CDK13: variants seen among roughly 807,000 people sequenced by gnomAD.
CDK13 encodes the protein cyclin dependent kinase 13.
A neutral mutation model predicts 137.6 loss-of-function variants in CDK13; 40 were observed. The observed-to-expected ratio is 0.29, with a 90% CI of 0.23 to 0.38. CDK13 has a LOEUF of 0.38. Ranked by LOEUF, CDK13 falls within the 10% of genes least tolerant of loss-of-function variation. The pLI, the probability that CDK13 is intolerant of heterozygous loss-of-function variation, is 1.00. For missense variants in CDK13, 1,704 were observed against 1,951.8 expected (o/e 0.87, Z 2.39); for synonymous variants, 869 against 760.1 (o/e 1.14, Z -2.36).
chr7:40,002,989 G>T (rs1273511929), intron 5 of CDK13, among the ~76,000 whole-genome samples: 1 of 151,954 alleles, frequency 6.6e-6, no homozygotes, highest in Non-Finnish European at 1.5e-5. Flanking sequence ...TGAGGCAGGA[G>T]GATCTCTTGA....
intron 6 of CDK13, 39 bp downstream of exon 6, chr7:40,046,064 T>A: frequency 8.1e-7 from 1 of 1,238,738 alleles, no homozygotes; most frequent in East Asian, 2.3e-5. Flanking sequence ...AAATGAGTTT[T>A]ACCATGGACA....
chr7:39,968,386 T>C (rs1327569876), intron 1 of CDK13, among the ~76,000 whole-genome samples: 2 of 152,194 alleles, frequency 1.3e-5, no homozygotes, highest in Non-Finnish European at 2.9e-5. Context: ...ATTCTCCATG[T>C]GGATATCCAG....
Position 39,951,303 on chromosome 7 carries a change from G to T in CDK13, c.662G>T (p.Gly221Val), listed in dbSNP as rs564002120. ...ERHREHRRRD[G>V]QRGGSEASKS... ...CACCGCGAGCACCGGCGGCGGGATGGGCAGCGCGGTGGCAGCGAGGCCTCC... is the reference window on the plus strand; with the variant it reads ...CACCGCGAGCACCGGCGGCGGGATGTGCAGCGCGGTGGCAGCGAGGCCTCC... The change falls in exon 1 of 14, where the codon GGG becomes GTG. Residue 221 changes from glycine to valine, a missense_variant. Gly to Val is a moderately radical substitution (Grantham distance 109). This residue lies in a region of CDK13 where 1,051 missense variants were observed against 931.0 expected (regional missense o/e 1.13). Coordinates refer to ENST00000181839, the MANE Select transcript of CDK13 (RefSeq NM_003718.5). 1.4e-6 allele frequency: 2 copies of T among 1,388,352 alleles called. No individual in the cohort carries two copies. The highest frequency in any genetic ancestry group is 1.8e-6 in the Non-Finnish European group (2 of 1,081,446). 86.0% of individuals were successfully genotyped at this position (1,388,352 alleles called of 1,614,324 possible).
chr7:39,997,934 T>C (rs2116311515), intron 3 of CDK13: 1 of 302,912 alleles, frequency 3.3e-6, no homozygotes, highest in African/African-American at 2.3e-5. Flanking sequence ...CTTTCTGTTA[T>C]TAAGAGATTG....
At chr7:39,961,528 A>G (rs1783724340) in intron 1 of CDK13, among the ~76,000 whole-genome samples, 1 of 152,174 alleles carries the variant, frequency 6.6e-6, no homozygotes, top group Non-Finnish European at 1.5e-5. Context: ...GACCCTGGTA[A>G]CCACCATTCT....
At chr7:39,963,315 A>G (rs970461336) in intron 1 of CDK13, among the ~76,000 whole-genome samples, 3 of 152,152 alleles carry the variant, frequency 2.0e-5, no homozygotes, top group Non-Finnish European at 4.4e-5. Flanking sequence ...AGTAGTTTGT[A>G]GTTCTCCTTG....
chr7:40,060,268 A>T (rs1242175411), intron 7 of CDK13, among the ~76,000 whole-genome samples: 1 of 152,126 alleles, frequency 6.6e-6, no homozygotes, highest in Admixed American at 6.6e-5. Context: ...AAGATTTTTT[A>T]AAAAATACAA....
Position 39,996,983 on chromosome 7 carries a change from A to AAAAAAAAAAAAG in CDK13, c.1872-506_1872-505insAAAAAAGAAAAA, listed in dbSNP as rs1562719391. ...TCTCAAAAAAAAAAAAAAAGAAAAA[A>AAAAAAAAAAAAG]AAAAAGAAAAATGCTTTGCAAAACT... On this transcript the variant is annotated intron_variant, in intron 2 of 13. Coordinates refer to ENST00000181839, the MANE Select transcript of CDK13 (RefSeq NM_003718.5). Among the ~76,000 whole-genome samples, 125 of 141,446 alleles carry AAAAAAAAAAAAG rather than the reference A, an allele frequency of 8.8e-4. 6 individuals carry two copies. Among genetic ancestry groups the AAAAAAAAAAAAG allele is most frequent in the African/African-American group, 3.6e-3 (122 of 33,546 alleles). The allele number at this position is 141,446 out of a possible 152,430, so 92.8% of individuals were successfully genotyped here.
Position 39,986,796 on chromosome 7 carries a change from G to C in CDK13, c.1212-803G>C, listed in dbSNP as rs188121610. On this transcript the variant is annotated intron_variant, in intron 1 of 13. Coordinates refer to ENST00000181839, the MANE Select transcript of CDK13 (RefSeq NM_003718.5). Reference sequence around the variant, plus strand: ...ATCTTGTATATGTGTGTTTACGTGAGTAAAGTGATTATGCTTATGTCTATT... The same window carrying C: ...ATCTTGTATATGTGTGTTTACGTGACTAAAGTGATTATGCTTATGTCTATT... 91 of 152,282 alleles carry C rather than the reference G, an allele frequency of 6.0e-4. 1 individual carries two copies. The highest frequency in any genetic ancestry group is 2.1e-3 in the African/African-American group (86 of 41,568). The allele number at this position is 152,282 out of a possible 1,614,324, so 9.4% of individuals were successfully genotyped here. A position where few individuals can be genotyped will look rare whatever the true frequency, so the allele number is the denominator to read the frequency against.
chr7:40,057,196 A>G (rs1324974841), intron 7 of CDK13, among the ~76,000 whole-genome samples: 1 of 152,172 alleles, frequency 6.6e-6, no homozygotes, highest in Non-Finnish European at 1.5e-5. Context: ...TGGAGGTTGC[A>G]GTGAGCCGAG....
chr7:40,080,930 A>G (rs969187181), intron 11 of CDK13, among the ~76,000 whole-genome samples: 2 of 152,210 alleles, frequency 1.3e-5, no homozygotes, highest in Non-Finnish European at 2.9e-5. Flanking sequence ...ATGAAATTTA[A>G]CATGAGAATA....
intron 11 of CDK13, among the ~76,000 whole-genome samples, chr7:40,087,126 T>C (rs1013861679): frequency 6.6e-6 from 1 of 151,998 alleles, no homozygotes; most frequent in Non-Finnish European, 1.5e-5. Context: ...TTATCCCATA[T>C]CTGGTTTCTG....
intron 5 of CDK13, among the ~76,000 whole-genome samples, chr7:40,028,999 C>T (rs1785306482): frequency 6.6e-6 from 1 of 151,918 alleles, no homozygotes. Flanking sequence ...GACCCTTGAA[C>T]ATCATGGGTT....
chr7:40,053,842 C>G (rs916271078), intron 7 of CDK13, among the ~76,000 whole-genome samples: 1 of 151,574 alleles, frequency 6.6e-6, no homozygotes, highest in African/African-American at 2.4e-5. Flanking sequence ...TACATAGTTT[C>G]CTTTCACAAG....
intron 7 of CDK13, among the ~76,000 whole-genome samples, chr7:40,053,017 C>T (rs1785927535): frequency 6.6e-6 from 1 of 152,148 alleles, no homozygotes; most frequent in Admixed American, 6.5e-5. Flanking sequence ...AAACAAGCTT[C>T]AGGAAAGGAG....
In CDK13 at chr7:40,069,235, A is replaced by G; in HGVS notation, c.2780+6135A>G. On this transcript the variant is annotated intron_variant, in intron 9 of 13. Coordinates refer to ENST00000181839, the MANE Select transcript of CDK13 (RefSeq NM_003718.5). ...GGGCAGCAGAGCGAGACCTTGTCTC[A>G]AAAAAACAGAAATAAAACAACAAAA... is the stretch of plus-strand genomic sequence containing the variant. 4.6e-6 allele frequency: 2 copies of G among 430,262 alleles called. 1 individual carries two copies. The highest frequency in any genetic ancestry group is 3.3e-5 in the South Asian group (2 of 60,996). The allele number at this position is 430,262 out of a possible 1,614,324, so 26.7% of individuals were successfully genotyped here. A position where few individuals can be genotyped will look rare whatever the true frequency, so the allele number is the denominator to read the frequency against.
intron 5 of CDK13, among the ~76,000 whole-genome samples, chr7:40,026,504 C>A (rs1785246856): frequency 6.6e-6 from 1 of 152,202 alleles, no homozygotes; most frequent in African/African-American, 2.4e-5. Context: ...CAGAATGAGA[C>A]CCTGCCTCAG....
chr7:40,033,156 A>C (rs1260775987), intron 5 of CDK13, among the ~76,000 whole-genome samples: 1 of 152,184 alleles, frequency 6.6e-6, no homozygotes, highest in Non-Finnish European at 1.5e-5. Flanking sequence ...GGGTCTCACC[A>C]TGTTGGCCTG....
intron 5 of CDK13, chr7:40,002,245 C>T (rs1470020485): frequency 5.5e-6 from 2 of 365,970 alleles, no homozygotes; most frequent in Non-Finnish European, 9.8e-6. Flanking sequence ...CAATATTACA[C>T]ATAAAGTATT....
Sources: gnomAD v4.1 joint callset for allele counts (sites outside exome capture counted in the v4.1 genomes callset) on GRCh38, gnomAD v4.1.1 for gene constraint, gnomAD v4.1.1 regional missense constraint, MANE v1.5 for transcripts, NCBI Gene and HGNC (gene_info 2026-07-23, HGNC 2026-07-21) for gene names.